NEK11: variants seen among roughly 807,000 people sequenced by gnomAD.
NEK11 encodes serine/threonine-protein kinase Nek11.
In NEK11, 72 loss-of-function variants were observed where a neutral mutation model predicts 80.7. The ratio of observed to expected loss-of-function variants is 0.89; its 90% confidence interval spans 0.74 to 1.08. The LOEUF is 1.08. Among genes scored for constraint, NEK11 ranks in the 50% least tolerant of loss-of-function variants. The pLI, the probability that NEK11 is intolerant of heterozygous loss-of-function variation, is 0.00. For synonymous variants in NEK11, 251 were observed against 260.7 expected (o/e 0.96, Z 0.36); for missense variants, 764 against 763.6 (o/e 1.00, Z -0.01).
intron 10 of NEK11, 31 bp from the exon 11 acceptor site, chr3:131,162,377 G>T: frequency 6.2e-7 from 1 of 1,609,084 alleles, no homozygotes; most frequent in Non-Finnish European, 8.5e-7. Flanking sequence ...TTTGGGATGG[G>T]CTATATGAGG....
At chr3:131,080,039 T>TTGTGTGTGTGTGTG (rs34144326) in intron 3 of NEK11, among the ~76,000 whole-genome samples, 94 of 148,956 alleles carry the variant, frequency 6.3e-4, no homozygotes, top group African/African-American at 2.3e-3. Context: ...GTGTGTGTGT[T>TTGTGTGTGTGTGTG]TGTGTGTGTG....
At chr3:131,059,553 T>C (rs1298622564) in intron 3 of NEK11, among the ~76,000 whole-genome samples, 1 of 152,210 alleles carries the variant, frequency 6.6e-6, no homozygotes, top group African/African-American at 2.4e-5. Context: ...TGTACAGATA[T>C]GTGCATTTAA....
chr3:131,179,830 A>T (rs1415592650), intron 14 of NEK11, among the ~76,000 whole-genome samples: 1 of 152,190 alleles, frequency 6.6e-6, no homozygotes, highest in Admixed American at 6.5e-5. Flanking sequence ...TATTAATGAT[A>T]TATAATATAA....
In NEK11 at chr3:131,289,594, G is replaced by C. The variant is rs548510828; in HGVS notation, c.1718+16020G>C. ...AGAGGTGACTGACGGGATTTGGTTT[G>C]TAACCTTTTTTGCTTAGTGTCACCT... On this transcript the variant is annotated intron_variant, in intron 17 of 17. Transcript: ENST00000383366. Among the ~76,000 whole-genome samples the C allele has an allele frequency of 1.2e-4, 19 of 152,248 alleles. No homozygotes were observed. The South Asian group carries it at 3.5e-3, about 28-fold the overall frequency.
At chr3:131,338,299 A>C (rs1215772182) in intron 17 of NEK11, among the ~76,000 whole-genome samples, 2 of 139,932 alleles carry the variant, frequency 1.4e-5, no homozygotes. Flanking sequence ...TTTAATACTA[A>C]GTCTGGCAAG....
At chr3:131,197,028 A>C (rs1162476335) in intron 14 of NEK11, among the ~76,000 whole-genome samples, 1 of 151,148 alleles carries the variant, frequency 6.6e-6, no homozygotes, top group Non-Finnish European at 1.5e-5. Context: ...CTATTTCTTT[A>C]CCTCCTGTTT....
At chr3:131,236,945 C>A (rs1181020169) in intron 15 of NEK11, among the ~76,000 whole-genome samples, 3 of 152,178 alleles carry the variant, frequency 2.0e-5, no homozygotes, top group Admixed American at 1.3e-4. Flanking sequence ...ATAAGGTCAC[C>A]TTGGTGTTTT....
In NEK11 at chr3:131,152,324, T is replaced by C. The variant is rs544037710; in HGVS notation, c.648-64T>C. 238 of 1,448,482 alleles carry C rather than the reference T, an allele frequency of 1.6e-4. No individual in the cohort carries two copies. The East Asian group carries it at 4.7e-3, about 29-fold the overall frequency. 89.7% of individuals were successfully genotyped at this position (1,448,482 alleles called of 1,614,324 possible). The stretch of plus-strand genomic sequence containing the variant: ...ATGCCCCAACACATCTGAGGTTTTG[T>C]ATGATGAAAAAATTTAAAATAGGAT... On this transcript the variant is annotated intron_variant, in intron 7 of 17. Transcript: ENST00000383366.
At chr3:131,248,131 G>A (rs1384021251) in intron 16 of NEK11, among the ~76,000 whole-genome samples, 1 of 151,962 alleles carries the variant, frequency 6.6e-6, no homozygotes, top group African/African-American at 2.4e-5. Context: ...AGTACTGTGT[G>A]GAACAGGAGT....
At chr3:131,265,161 C>A (rs2096022048) in intron 16 of NEK11, among the ~76,000 whole-genome samples, 1 of 152,192 alleles carries the variant, frequency 6.6e-6, no homozygotes, top group African/African-American at 2.4e-5. Context: ...GATCTGCAAA[C>A]AGAGACAATT....
intron 17 of NEK11, among the ~76,000 whole-genome samples, chr3:131,338,915 G>T (rs762639383): frequency 1.3e-5 from 2 of 152,172 alleles, no homozygotes; most frequent in Non-Finnish European, 2.9e-5. Context: ...TGAGGTGTGA[G>T]TTAGATGGCT....
intron 17 of NEK11, among the ~76,000 whole-genome samples, chr3:131,288,450 CT>C (rs71133693): frequency 0.17 from 20,013 of 114,950 alleles, 1,309 homozygotes; most frequent in East Asian, 0.23. Context: ...TTCTTTCTTT[CT>C]TTTTTTTTTT....
chr3:131,085,849 A>T (rs1254710672), intron 4 of NEK11, among the ~76,000 whole-genome samples: 1 of 152,164 alleles, frequency 6.6e-6, no homozygotes, highest in Non-Finnish European at 1.5e-5. Flanking sequence ...CTAGGATCCA[A>T]TCCAGGATTC....
chr3:131,275,976 G>A (rs546107594), intron 17 of NEK11, among the ~76,000 whole-genome samples: 9 of 152,316 alleles, frequency 5.9e-5, no homozygotes, highest in Non-Finnish European at 1.0e-4. Context: ...AATAGATGAT[G>A]AGAGCTCTAA....
chr3:131,038,654 T>C (rs890529502), intron 3 of NEK11, among the ~76,000 whole-genome samples: 5 of 152,190 alleles, frequency 3.3e-5, no homozygotes, highest in African/African-American at 1.2e-4. Context: ...AAGGCAACAA[T>C]ACTCAAAAAT....
intron 17 of NEK11, among the ~76,000 whole-genome samples, chr3:131,322,391 A>G (rs2096906512): frequency 6.6e-6 from 1 of 152,166 alleles, no homozygotes; most frequent in Admixed American, 6.6e-5. Flanking sequence ...AGCATCACAC[A>G]ATATACAGTA....
intron 7 of NEK11, among the ~76,000 whole-genome samples, chr3:131,147,022 G>A (rs989278616): frequency 2.6e-5 from 4 of 151,998 alleles, no homozygotes; most frequent in East Asian, 3.8e-4. Flanking sequence ...ATGAGTAGAA[G>A]TTTGTAATTT....
At chr3:131,161,075 C>G (rs1037074192) in intron 10 of NEK11, among the ~76,000 whole-genome samples, 1 of 148,936 alleles carries the variant, frequency 6.7e-6, no homozygotes, top group African/African-American at 2.5e-5. Context: ...CCCAGCTACT[C>G]AGGAGGCTGA....
chr3:131,050,868 A>C (rs1311860500), intron 3 of NEK11, among the ~76,000 whole-genome samples: 5 of 24,288 alleles, frequency 2.1e-4, no homozygotes, highest in Non-Finnish European at 6.1e-4. Flanking sequence ...GTCTTTACAA[A>C]TAGTAATAAA....
Sources: allele counts gnomAD v4.1 joint callset (sites outside exome capture counted in the v4.1 genomes callset), GRCh38; gene constraint gnomAD v4.1.1; transcripts MANE v1.5; gene names NCBI Gene and HGNC (gene_info 2026-07-23, HGNC 2026-07-21).